PLEKHG3: variants seen among roughly 807,000 people sequenced by gnomAD.
PLEKHG3 encodes the protein pleckstrin homology domain-containing family G member 3.
PLEKHG3 carries 62 observed loss-of-function variants against 94.9 expected under a neutral mutation model. The observed-to-expected ratio is 0.65, with a 90% CI of 0.53 to 0.81. The LOEUF (loss-of-function observed/expected upper bound fraction) is 0.81, where lower values mean the gene tolerates loss of function less well. PLEKHG3 is among the 30% of genes least tolerant of loss of function. PLEKHG3 has a pLI of 0.00. For missense variants in PLEKHG3, 1,461 were observed against 1,619.3 expected (o/e 0.90, Z 1.68); for synonymous variants, 614 against 654.0 (o/e 0.94, Z 0.93).
At chr14:64,707,004 A>G (rs1269481029) in intron 1 of PLEKHG3, among the ~76,000 whole-genome samples, 1 of 152,182 alleles carries the variant, frequency 6.6e-6, no homozygotes, top group Non-Finnish European at 1.5e-5. Flanking sequence ...AGCTGCACTG[A>G]GGGCTGTCTT....
In PLEKHG3 at chr14:64,738,656, G is replaced by A. The variant is rs1232551373; in HGVS notation, c.1405-86G>A. 5 of 963,796 alleles carry A rather than the reference G, an allele frequency of 5.2e-6. No individual in the cohort carries two copies. The highest frequency in any genetic ancestry group is 8.1e-6 in the Non-Finnish European group (5 of 614,864). The allele number at this position is 963,796 out of a possible 1,614,324, so 59.7% of individuals were successfully genotyped here. On this transcript the variant is annotated intron_variant, in intron 14 of 16. Transcript: ENST00000247226. This position sits in a 1 kb window ranked among gnomAD's most constrained non-coding sequence, Gnocchi z 4.8. ...TCTCAGCTCAGCCCAGCCCCTTGGGGCGTGGGAGGCACTGCCCGTGTTGGG... is the reference window on the plus strand; with the variant it reads ...TCTCAGCTCAGCCCAGCCCCTTGGGACGTGGGAGGCACTGCCCGTGTTGGG...
intron 1 of PLEKHG3, among the ~76,000 whole-genome samples, chr14:64,712,589 G>T (rs533482762): frequency 4.6e-5 from 7 of 152,192 alleles, no homozygotes; most frequent in African/African-American, 1.7e-4. Flanking sequence ...ATTATAAATG[G>T]GAGTCTTAAT....
Position 64,730,408 on chromosome 14 carries a change from T to A in PLEKHG3, c.519+96T>A. 1 of 875,950 alleles carries A rather than the reference T, an allele frequency of 1.1e-6. No individual in the cohort carries two copies. Among genetic ancestry groups the A allele is most frequent in the African/African-American group, 1.7e-5 (1 of 60,348 alleles). 54.3% of individuals were successfully genotyped at this position (875,950 alleles called of 1,614,324 possible). A position where few individuals can be genotyped will look rare whatever the true frequency, so the allele number is the denominator to read the frequency against. On this transcript the variant is annotated intron_variant, in intron 4 of 16. Transcript: ENST00000247226. This position sits in a 1 kb window ranked among gnomAD's most constrained non-coding sequence, Gnocchi z 5.4. ...AAGAGGACATCTGAGTCCTGGGGAT[T>A]CCTTTCCAGGGAAAGTCCTGGGTGC...
intron 1 of PLEKHG3, among the ~76,000 whole-genome samples, chr14:64,710,155 T>G (rs2081044744): frequency 6.6e-6 from 1 of 152,194 alleles, no homozygotes; most frequent in African/African-American, 2.4e-5. Flanking sequence ...TGGATATAGT[T>G]CTTCCCATAA....
Position 64,722,646 on chromosome 14 carries a change from G to A in PLEKHG3, c.-39-4947G>A, listed in dbSNP as rs887399378. ...GGCTCCAAAGCAGCTGTGGTGCGGT[G>A]TGGCTTCTCATTCTTGAGTGTGGGG... On this transcript the variant is annotated intron_variant, in intron 1 of 16. Coordinates refer to ENST00000247226, the MANE Select transcript of PLEKHG3 (RefSeq NM_001308147.2). This position sits in a 1 kb window ranked among gnomAD's most constrained non-coding sequence, Gnocchi z 4.3. 6.6e-6 allele frequency among the ~76,000 whole-genome samples: 1 copy of A among 152,216 alleles called. No individual in the cohort carries two copies. The highest frequency in any genetic ancestry group is 1.5e-5 in the Non-Finnish European group (1 of 68,038).
rs2139415434 is a variant in PLEKHG3, at chr14:64,749,382, G to GA, written c.*5681dup. On this transcript the variant is annotated 3_prime_UTR_variant, in exon 17 of 17. Transcript: ENST00000247226. This position sits in a 1 kb window ranked among gnomAD's most constrained non-coding sequence, Gnocchi z 4.7. ...GAGGCTGGCGTCGGGGCCGGAGAGG[G>GA]AAGGCAGGGGCAGGCTCTGCGCCTT... 1 of 1,610,216 alleles carries GA rather than the reference G, an allele frequency of 6.2e-7. No individual in the cohort carries two copies. The highest frequency in any genetic ancestry group is 2.2e-5 in the East Asian group (1 of 44,876).
intron 1 of PLEKHG3, among the ~76,000 whole-genome samples, chr14:64,705,599 G>A (rs1457417463): frequency 6.6e-6 from 1 of 152,212 alleles, no homozygotes; most frequent in African/African-American, 2.4e-5. Flanking sequence ...GAACCCTGGA[G>A]TGGGGGTTCC....
chr14:64,737,793 C>T, intron 14 of PLEKHG3: 1 of 826,882 alleles, frequency 1.2e-6, no homozygotes, highest in Non-Finnish European at 1.6e-6. Flanking sequence ...TCCCCCCCCG[C>T]AGCTGCCTGC....
chr14:64,727,509 T>TTCCCCCCCCCCC lies in PLEKHG3; in HGVS notation c.-39-84_-39-83insTCCCCCCCCCCC. Reference sequence around the variant, plus strand: ...CTAAATAATACCTTCCCACCCCACCTGCCCCCACCCCTGGCAACCGTCCCT... The same window carrying TTCCCCCCCCCCC: ...CTAAATAATACCTTCCCACCCCACCTTCCCCCCCCCCCGCCCCCACCCCTGGCAACCGTCCCT... On this transcript the variant is annotated intron_variant, in intron 1 of 16. Transcript: ENST00000247226. This position sits in a 1 kb window ranked among gnomAD's most constrained non-coding sequence, Gnocchi z 6.0. The TTCCCCCCCCCCC allele has an allele frequency of 3.0e-6, 1 of 336,210 alleles. No homozygotes were observed. The highest frequency in any genetic ancestry group is 2.6e-5 in the South Asian group (1 of 38,366). 20.8% of individuals were successfully genotyped at this position (336,210 alleles called of 1,614,324 possible).
Position 64,723,790 on chromosome 14 carries a change from C to A in PLEKHG3, c.-39-3803C>A, listed in dbSNP as rs1312544913. ...TGCTGGGATTACAGGCGTGAGCCAT[C>A]ATGCCTGGCCGAGAAAGCGAGTTTT... On this transcript the variant is annotated intron_variant, in intron 1 of 16. Transcript: ENST00000247226. The surrounding 1 kb of genome is among the most constrained non-coding windows in gnomAD (Gnocchi z 4.5). 1 of 152,324 alleles carries A rather than the reference C, an allele frequency of 6.6e-6. No homozygotes were observed. The highest frequency in any genetic ancestry group is 2.4e-5 in the African/African-American group (1 of 41,456). The allele number at this position is 152,324 out of a possible 1,614,324, so 9.4% of individuals were successfully genotyped here.
intron 12 of PLEKHG3, among the ~76,000 whole-genome samples, chr14:64,734,103 G>T (rs229621): frequency 0.37 from 56,727 of 152,076 alleles, 12,574 homozygotes; most frequent in African/African-American, 0.62. Context: ...GTTAGCCTTC[G>T]AGAAGGTGGA....
chr14:64,710,105 A>T (rs917308093), intron 1 of PLEKHG3, among the ~76,000 whole-genome samples: 5 of 152,156 alleles, frequency 3.3e-5, no homozygotes, highest in Non-Finnish European at 2.9e-5. Flanking sequence ...CTCCCATGCA[A>T]GTTGGCCCCA....
At chr14:64,742,921 C>G in intron 16 of PLEKHG3, 61 bp from the exon 17 acceptor site, 2 of 1,575,616 alleles carry the variant, frequency 1.3e-6, no homozygotes, top group East Asian at 2.2e-5. Context: ...CTGCTCAGAG[C>G]ACCCCCTTGC....
chr14:64,749,473 C>A lies in PLEKHG3; in HGVS notation c.*5770C>A, dbSNP rs747990413. The A allele has an allele frequency of 1.2e-6, 2 of 1,600,056 alleles. No individual in the cohort carries two copies. Among genetic ancestry groups the A allele is most frequent in the East Asian group, 2.2e-5 (1 of 44,800 alleles). On this transcript the variant is annotated 3_prime_UTR_variant, in exon 17 of 17. Transcript: ENST00000247226. This position sits in a 1 kb window ranked among gnomAD's most constrained non-coding sequence, Gnocchi z 4.7. ...CCCTGCAGCCAGGACAGCATCTCCTCCTGCGGGGCGGAGGGTCACGGTGGA... is the reference window on the plus strand; with the variant it reads ...CCCTGCAGCCAGGACAGCATCTCCTACTGCGGGGCGGAGGGTCACGGTGGA...
At chr14:64,737,048 C>A (rs1325887729) in intron 13 of PLEKHG3, 157 bp downstream of exon 13, 7 of 708,392 alleles carry the variant, frequency 9.9e-6, no homozygotes, top group Non-Finnish European at 1.5e-5. Flanking sequence ...AGGGCCTCGC[C>A]CCTGGCTGGC....
chr14:64,740,964 G>A, intron 15 of PLEKHG3, 72 bp from the exon 16 acceptor site: 3 of 1,293,240 alleles, frequency 2.3e-6, no homozygotes, highest in Non-Finnish European at 3.2e-6. Flanking sequence ...AGCAGGCCAT[G>A]CTGTCCCCTT....
rs148292177 is a variant in PLEKHG3 at position 64,718,857 on chromosome 14, G to A, written c.-39-8736G>A. Among the ~76,000 whole-genome samples the A allele has an allele frequency of 4.5e-3, 689 of 152,222 alleles. 7 individuals carry two copies. The highest frequency in any genetic ancestry group is 0.016 in the African/African-American group (662 of 41,512). On this transcript the variant is annotated intron_variant, in intron 1 of 16. Coordinates refer to ENST00000247226, the MANE Select transcript of PLEKHG3 (RefSeq NM_001308147.2). The surrounding 1 kb of genome is among the most constrained non-coding windows in gnomAD (Gnocchi z 5.0). The stretch of plus-strand genomic sequence containing the variant: ...AAACCCACGGACCAGTGTCAAGGAT[G>A]GTTTTTGTTAATCACTTGTGCTTTT...
At position 64,738,225 on chromosome 14, in the gene PLEKHG3, G is replaced by C. The variant is rs1416275758; in HGVS notation, c.1405-517G>C. 5 of 1,287,594 alleles carry C rather than the reference G, an allele frequency of 3.9e-6. No individual in the cohort carries two copies. Among genetic ancestry groups the C allele is most frequent in the Non-Finnish European group, 5.1e-6 (5 of 988,256 alleles). 79.8% of individuals were successfully genotyped at this position (1,287,594 alleles called of 1,614,324 possible). ...TTTACTTTTCTCCCGGGGCGCTATG[G>C]TGAGGTGTCTCTTCGATCTCCCCTC... On this transcript the variant is annotated intron_variant, in intron 14 of 16. Coordinates refer to ENST00000247226, the MANE Select transcript of PLEKHG3 (RefSeq NM_001308147.2). The surrounding 1 kb of genome is among the most constrained non-coding windows in gnomAD (Gnocchi z 4.8).
intron 15 of PLEKHG3, among the ~76,000 whole-genome samples, chr14:64,740,270 C>T (rs181972349): frequency 1.3e-4 from 19 of 142,468 alleles, no homozygotes; most frequent in African/African-American, 4.6e-4. Context: ...GAATTATGTC[C>T]GATCTTATAA....
Sources: gnomAD v4.1 joint callset for allele counts (sites outside exome capture counted in the v4.1 genomes callset) on GRCh38, gnomAD v4.1.1 for gene constraint, Gnocchi (gnomAD v3.1) non-coding constraint, MANE v1.5 for transcripts, NCBI Gene and HGNC (gene_info 2026-07-23, HGNC 2026-07-21) for gene names.